KDF1: variants seen among roughly 807,000 people sequenced by gnomAD.
The protein encoded by KDF1 is keratinocyte differentiation factor 1, also known as RP11-344H11.3.
In KDF1, 11 loss-of-function variants were observed where a neutral mutation model predicts 31.6. That is an observed-to-expected ratio of 0.35 (90% confidence interval 0.22 to 0.58). The LOEUF (loss-of-function observed/expected upper bound fraction) is 0.58. Among genes scored for constraint, KDF1 ranks in the 20% least tolerant of loss-of-function variants. The pLI, the probability that KDF1 is intolerant of heterozygous loss-of-function variation, is 0.83. For synonymous variants in KDF1, 205 were observed against 214.4 expected (o/e 0.96, Z 0.38); for missense variants, 476 against 549.1 (o/e 0.87, Z 1.33).
rs2082343314 is a variant in KDF1, at chr1:26,950,575, T to C, written c.1114+107A>G. 2.1e-6 allele frequency: 2 copies of C among 944,028 alleles called. No homozygotes were observed. Among genetic ancestry groups the C allele is most frequent in the East Asian group, 4.8e-5 (2 of 41,374 alleles). The allele number at this position is 944,028 out of a possible 1,614,324, so 58.5% of individuals were successfully genotyped here. On this transcript the variant is annotated intron_variant, in intron 3 of 3. Coordinates refer to ENST00000320567, the MANE Select transcript of KDF1 (RefSeq NM_152365.3). This position sits in a 1 kb window ranked among gnomAD's most constrained non-coding sequence, Gnocchi z 4.0. ...GTGGCTGCTTAGGTCCCCGTCCCTTTTTGATGTCATCCTCATCACCCCAAA... is the reference window on the plus strand; with the variant it reads ...GTGGCTGCTTAGGTCCCCGTCCCTTCTTGATGTCATCCTCATCACCCCAAA...
At chr1:26,953,038 ATGCT>A (rs1312738287) in intron 1 of KDF1, among the ~76,000 whole-genome samples, 3 of 152,094 alleles carry the variant, frequency 2.0e-5, no homozygotes. Flanking sequence ...CTTATCTGAA[ATGCT>A]TGGGTCCAGA....
chr1:26,951,719 T>A lies in KDF1; in HGVS notation c.662A>T (p.Glu221Val). Residue 221 changes from glutamate (E) to valine (V), a missense_variant, in exon 2 of 4, where the codon GAG (glutamate) becomes GTG (valine). By Grantham distance (121) the Glu-to-Val change is moderately radical. Transcript: ENST00000320567. This position sits in a 1 kb window ranked among gnomAD's most constrained non-coding sequence, Gnocchi z 5.4. ...CATCTCCGGCAGGTCCAGGTCCGAC[T>A]CATGGAAAGAATAGTACTCCTCGGA... Reference protein sequence around the residue: ...RGSEEYYSFHESDLDLPEMGS... With the variant: ...RGSEEYYSFHVSDLDLPEMGS... 2 of 1,613,868 alleles carry A rather than the reference T, an allele frequency of 1.2e-6. No homozygotes were observed. Among genetic ancestry groups the A allele is most frequent in the Non-Finnish European group, 1.7e-6 (2 of 1,180,006 alleles).
rs1220825302 is a variant in KDF1 at position 26,951,924 on chromosome 1, A to C, written c.457T>G (p.Ser153Ala). ...TAGCTGAAGCTGCTGCCCATGGTTG[A>C]CTTGAGCCGCTGGCCATCCCGCCGG... ...PSRRDGQRLKSTMGSSFSYPD... is the reference protein window; with the variant it reads ...PSRRDGQRLKATMGSSFSYPD... Residue 153 changes from serine to alanine, a missense_variant, in exon 2 of 4, where the codon TCA (serine) becomes GCA (alanine). Around this residue, in one of 2 missense-constraint regions of KDF1, gnomAD observed 330 missense variants for 332.3 expected, o/e 0.99. Transcript: ENST00000320567. This position sits in a 1 kb window ranked among gnomAD's most constrained non-coding sequence, Gnocchi z 5.4. 6.2e-7 allele frequency: 1 copy of C among 1,604,938 alleles called. No individual in the cohort carries two copies. The highest frequency in any genetic ancestry group is 8.5e-7 in the Non-Finnish European group (1 of 1,173,894).
intron 1 of KDF1, among the ~76,000 whole-genome samples, chr1:26,958,678 C>G (rs147148184): frequency 6.6e-6 from 1 of 152,286 alleles, no homozygotes; most frequent in Non-Finnish European, 1.5e-5. Context: ...TGGCCTGGCC[C>G]CAGACTCTTA....
chr1:26,949,947 G>A lies in KDF1; in HGVS notation c.*122C>T. On this transcript the variant is annotated 3_prime_UTR_variant, in exon 4 of 4. Coordinates refer to ENST00000320567, the MANE Select transcript of KDF1 (RefSeq NM_152365.3). ...CCAGGAACCCAGTCAGCCAAGGCAG[G>A]AGGAGCCAGAGTGGGCACTGCTTCA... 1 of 948,070 alleles carries A rather than the reference G, an allele frequency of 1.1e-6. No homozygotes were observed. Among genetic ancestry groups the A allele is most frequent in the Non-Finnish European group, 1.6e-6 (1 of 622,826 alleles). The allele number at this position is 948,070 out of a possible 1,614,324, so 58.7% of individuals were successfully genotyped here. A position where few individuals can be genotyped will look rare whatever the true frequency, so the allele number is the denominator to read the frequency against.
chr1:26,958,792 G>A (rs1214641367), intron 1 of KDF1, among the ~76,000 whole-genome samples: 1 of 152,194 alleles, frequency 6.6e-6, no homozygotes, highest in Non-Finnish European at 1.5e-5. Flanking sequence ...TGGGAGCCCT[G>A]TCTTCCAGGC....
chr1:26,957,937 C>A (rs1315491400), intron 1 of KDF1, among the ~76,000 whole-genome samples: 1 of 151,848 alleles, frequency 6.6e-6, no homozygotes, highest in African/African-American at 2.4e-5. Context: ...GCCTCAGCCT[C>A]CTGAGTAGCT....
Position 26,951,490 on chromosome 1 carries a change from C to G in KDF1, c.891G>C (p.Leu297=). Residue 297 remains leucine (L), a synonymous_variant, in exon 2 of 4, where the codon CTG becomes CTC. Coordinates refer to ENST00000320567, the MANE Select transcript of KDF1 (RefSeq NM_152365.3). This position sits in a 1 kb window ranked among gnomAD's most constrained non-coding sequence, Gnocchi z 5.4. The stretch of plus-strand genomic sequence containing the variant: ...TACTAATGCGAATGATGCCGCGTAC[C>G]AGGCGGCCCTCAGCATCCTGCTCAT... ...HLDEQDAEGR[L]VRGIIRISTR... The G allele has an allele frequency of 1.2e-6, 2 of 1,613,700 alleles. No homozygotes were observed. Among genetic ancestry groups the G allele is most frequent in the Non-Finnish European group, 1.7e-6 (2 of 1,179,684 alleles).
rs755838886 is a variant in KDF1 at position 26,951,793 on chromosome 1, T to C, written c.588A>G (p.Pro196=). 1 of 1,613,712 alleles carries C rather than the reference T, an allele frequency of 6.2e-7. No homozygotes were observed. The highest frequency in any genetic ancestry group is 8.5e-7 in the Non-Finnish European group (1 of 1,179,990). The change falls in exon 2 of 4, where the codon CCA becomes CCG. Residue 196 remains proline, a synonymous_variant. Coordinates refer to ENST00000320567, the MANE Select transcript of KDF1 (RefSeq NM_152365.3). This position sits in a 1 kb window ranked among gnomAD's most constrained non-coding sequence, Gnocchi z 5.4. ...SCCKEPLADP[P]PMRHSLPSTF... ...TGCTGGGCAGGCTGTGTCGCATGGG[T>C]GGGGGATCGGCCAGTGGCTCCTTGC...
At chr1:26,958,369 G>A (rs1047584971) in intron 1 of KDF1, among the ~76,000 whole-genome samples, 17 of 150,580 alleles carry the variant, frequency 1.1e-4, no homozygotes, top group African/African-American at 3.7e-4. Flanking sequence ...TCCTGACCTC[G>A]TGATCCACCC....
At chr1:26,955,583 GA>G (rs1216214473) in intron 1 of KDF1, among the ~76,000 whole-genome samples, 1 of 152,190 alleles carries the variant, frequency 6.6e-6, no homozygotes, top group Non-Finnish European at 1.5e-5. Flanking sequence ...GGGTACCGTA[GA>G]ACCAAAGATG....
At chr1:26,958,119 T>C (rs887088174) in intron 1 of KDF1, among the ~76,000 whole-genome samples, 2 of 147,942 alleles carry the variant, frequency 1.4e-5, no homozygotes, top group African/African-American at 5.0e-5. Context: ...CCCAGCCAGC[T>C]GTTCTAAATT....
chr1:26,949,818 C>G lies in KDF1; in HGVS notation c.*251G>C, dbSNP rs963319338. ...TAACTCCTTACTTTCCATGATCAGG[C>G]CACCTGAAGACCATGAGCAGGAAGG... On this transcript the variant is annotated 3_prime_UTR_variant, in exon 4 of 4. Transcript: ENST00000320567. 2.2e-6 allele frequency: 1 copy of G among 453,726 alleles called. No individual in the cohort carries two copies. The highest frequency in any genetic ancestry group is 4.1e-6 in the Non-Finnish European group (1 of 246,052). 28.1% of individuals were successfully genotyped at this position (453,726 alleles called of 1,614,324 possible).
At position 26,952,486 on chromosome 1, in the gene KDF1, T is replaced by G; in HGVS notation, c.-32-74A>C. The G allele has an allele frequency of 8.9e-7, 1 of 1,122,790 alleles. No individual in the cohort carries two copies. The allele number at this position is 1,122,790 out of a possible 1,614,324, so 69.6% of individuals were successfully genotyped here. The stretch of plus-strand genomic sequence containing the variant: ...AACTCCTGGGCTGACTTGAGCAGCT[T>G]CACATTTCTAGTTTCTGAGAGGCCT... On this transcript the variant is annotated intron_variant, in intron 1 of 3. Transcript: ENST00000320567. This position sits in a 1 kb window ranked among gnomAD's most constrained non-coding sequence, Gnocchi z 4.1.
chr1:26,949,742 AG>A lies in KDF1; in HGVS notation c.*326del. 1 of 275,724 alleles carries A rather than the reference AG, an allele frequency of 3.6e-6. No individual in the cohort carries two copies. The highest frequency in any genetic ancestry group is 7.0e-6 in the Non-Finnish European group (1 of 142,084). 17.1% of individuals were successfully genotyped at this position (275,724 alleles called of 1,614,324 possible). On this transcript the variant is annotated 3_prime_UTR_variant, in exon 4 of 4. Coordinates refer to ENST00000320567, the MANE Select transcript of KDF1 (RefSeq NM_152365.3). ...GAGGGAGAAGTTTGCATGATTGGTTAGGGTGGCAATAGGGGGATGGAGTCAG... is the reference window on the plus strand; with the variant it reads ...GAGGGAGAAGTTTGCATGATTGGTTAGGTGGCAATAGGGGGATGGAGTCAG...
In KDF1 at chr1:26,951,289, C is replaced by A. The variant is rs2082346815; in HGVS notation, c.1039+53G>T. 2 of 1,452,654 alleles carry A rather than the reference C, an allele frequency of 1.4e-6. No homozygotes were observed. The highest frequency in any genetic ancestry group is 5.2e-5 in the Admixed American group (2 of 38,772). The allele number at this position is 1,452,654 out of a possible 1,614,324, so 90.0% of individuals were successfully genotyped here. A position where few individuals can be genotyped will look rare whatever the true frequency, so the allele number is the denominator to read the frequency against. On this transcript the variant is annotated intron_variant, in intron 2 of 3. Coordinates refer to ENST00000320567, the MANE Select transcript of KDF1 (RefSeq NM_152365.3). The surrounding 1 kb of genome is among the most constrained non-coding windows in gnomAD (Gnocchi z 5.4). ...CTAAAGACCCCATTCCAACCCTCCCCTGGCCAGAGCCTCCCCTACTCTGCC... is the reference window on the plus strand; with the variant it reads ...CTAAAGACCCCATTCCAACCCTCCCATGGCCAGAGCCTCCCCTACTCTGCC...
At chr1:26,958,130 CTTTTTTT>C (rs537884216) in intron 1 of KDF1, among the ~76,000 whole-genome samples, 6 of 119,740 alleles carry the variant, frequency 5.0e-5, no homozygotes, top group East Asian at 2.5e-4. Flanking sequence ...GTTCTAAATT[CTTTTTTT>C]TTTTTTTTTT....
At chr1:26,958,156 G>A (rs2082385647) in intron 1 of KDF1, among the ~76,000 whole-genome samples, 1 of 100,066 alleles carries the variant, frequency 1.0e-5, no homozygotes, top group Non-Finnish European at 1.9e-5. Flanking sequence ...TTTTTGAGAT[G>A]GAGTCTCACT....
At position 26,950,067 on chromosome 1, in the gene KDF1, G is replaced by T. The variant is rs776808300; in HGVS notation, c.*2C>A. 6.2e-7 allele frequency: 1 copy of T among 1,613,066 alleles called. No individual in the cohort carries two copies. The highest frequency in any genetic ancestry group is 1.7e-5 in the Admixed American group (1 of 60,006). On this transcript the variant is annotated 3_prime_UTR_variant, in exon 4 of 4. Coordinates refer to ENST00000320567, the MANE Select transcript of KDF1 (RefSeq NM_152365.3). This position sits in a 1 kb window ranked among gnomAD's most constrained non-coding sequence, Gnocchi z 4.0. ...GGGTGTGGCAGCTGGGCCTGGCAGG[G>T]GTTAGCAGTACACCTGGAGCAAGGG...
Sources: gnomAD v4.1 joint callset for allele counts (sites outside exome capture counted in the v4.1 genomes callset) on GRCh38, gnomAD v4.1.1 for gene constraint, gnomAD v4.1.1 regional missense constraint, Gnocchi (gnomAD v3.1) non-coding constraint, MANE v1.5 for transcripts, NCBI Gene and HGNC (gene_info 2026-07-23, HGNC 2026-07-21) for gene names.